The following DNAH3 variants were observed in gnomAD, a reference collection of about 807,000 sequenced individuals.
The protein encoded by DNAH3 is dynein axonemal heavy chain 3.
In DNAH3, 332 loss-of-function variants were observed where a neutral mutation model predicts 432.5. That is an observed-to-expected ratio of 0.77 (90% CI 0.70 to 0.84). The LOEUF (loss-of-function observed/expected upper bound fraction) is 0.84, where lower values mean the gene tolerates loss of function less well. Among genes scored for constraint, DNAH3 ranks in the 40% least tolerant of loss-of-function variants. DNAH3 has a pLI of 0.00. For synonymous variants in DNAH3, 1,956 were observed against 1,900.2 expected (o/e 1.03, Z -0.76); for missense variants, 4,861 against 5,114.0 (o/e 0.95, Z 1.51).
At chr16:21,151,667 T>G (rs1212445248) in intron 1 of DNAH3, among the ~76,000 whole-genome samples, 1 of 152,158 alleles carries the variant, frequency 6.6e-6, no homozygotes, top group Admixed American at 6.5e-5. Flanking sequence ...CTGGGATAGT[T>G]TGATCACCCA....
chr16:20,968,625 C>T (rs902898200), intron 52 of DNAH3, among the ~76,000 whole-genome samples: 1 of 152,026 alleles, frequency 6.6e-6, no homozygotes, highest in African/African-American at 2.4e-5. Flanking sequence ...CCTTTCTGCC[C>T]GTTTCTAATT....
At chr16:21,135,550 G>A (rs1482235955) in intron 6 of DNAH3, among the ~76,000 whole-genome samples, 8 of 152,036 alleles carry the variant, frequency 5.3e-5, no homozygotes, top group Admixed American at 5.2e-4. Context: ...AAAATTAGCT[G>A]GGAGTGGTGG....
At chr16:21,054,913 G>C in intron 27 of DNAH3, among the ~76,000 whole-genome samples, 1 of 152,052 alleles carries the variant, frequency 6.6e-6, no homozygotes, top group Non-Finnish European at 1.5e-5. Context: ...TATTGATTGT[G>C]ATGGCCTACA....
chr16:21,047,196 G>A (rs2089741054), intron 31 of DNAH3, among the ~76,000 whole-genome samples: 1 of 147,430 alleles, frequency 6.8e-6, no homozygotes, highest in South Asian at 2.3e-4. Flanking sequence ...GGCATTCTCT[G>A]TATTTCCTGA....
chr16:21,019,361 T>A (rs900253937), intron 41 of DNAH3: 1 of 454,164 alleles, frequency 2.2e-6, no homozygotes, highest in Admixed American at 3.7e-5. Context: ...GGTTTCACCA[T>A]GTTGGCCAGG....
chr16:21,106,539 T>A (rs1567801520), exon 15 of DNAH3: 4 of 1,612,274 alleles, frequency 2.5e-6, no homozygotes, highest in Non-Finnish European at 3.4e-6. Context: ...CACTTGCATC[T>A]CTAAGTTGCC....
chr16:21,092,290 A>G (rs1199170829), intron 18 of DNAH3, among the ~76,000 whole-genome samples: 1 of 152,216 alleles, frequency 6.6e-6, no homozygotes, highest in African/African-American at 2.4e-5. Flanking sequence ...AACAGAATAC[A>G]TAACCCATCC....
In DNAH3 at chr16:21,141,414, C is replaced by A. The variant is rs201805280; in HGVS notation, c.449-42G>T. On this transcript the variant is annotated intron_variant, in intron 3 of 61. Coordinates refer to ENST00000261383, the Ensembl canonical transcript of DNAH3. ...GAAAGACATCAGTGATGGGCAATGG[C>A]CTTGGGCCATTCTCCGTCCACAGGG... 31 of 1,455,824 alleles carry A rather than the reference C, an allele frequency of 2.1e-5. No homozygotes were observed. In the African/African-American group the frequency reaches 2.2e-4, roughly 10 times the overall value. The allele number at this position is 1,455,824 out of a possible 1,614,324, so 90.2% of individuals were successfully genotyped here. A position where few individuals can be genotyped will look rare whatever the true frequency, so the allele number is the denominator to read the frequency against.
At chr16:20,993,208 C>T (rs1449468261) in intron 44 of DNAH3, among the ~76,000 whole-genome samples, 1 of 152,002 alleles carries the variant, frequency 6.6e-6, no homozygotes. Flanking sequence ...TTTTTCCACC[C>T]CAAGACTCTT....
chr16:21,038,919 T>A (rs535472152), intron 33 of DNAH3, among the ~76,000 whole-genome samples: 42 of 152,220 alleles, frequency 2.8e-4, no homozygotes, highest in African/African-American at 9.4e-4. Context: ...AACAAAGACA[T>A]CCAGGCCATA....
chr16:20,945,694 G>A (rs886732466), intron 57 of DNAH3, among the ~76,000 whole-genome samples: 3 of 152,092 alleles, frequency 2.0e-5, no homozygotes, highest in Non-Finnish European at 2.9e-5. Flanking sequence ...GTTTCACTGC[G>A]TTAGCCAGGA....
chr16:21,020,385 ATATATATATATATTT>A (rs1207607020), intron 40 of DNAH3, among the ~76,000 whole-genome samples: 1 of 33,734 alleles, frequency 3.0e-5, no homozygotes, highest in Admixed American at 3.7e-4. Flanking sequence ...CTATATATAT[ATATATATATATATTT>A]TTTTTTTTTT....
intron 18 of DNAH3, among the ~76,000 whole-genome samples, chr16:21,089,314 A>G (rs1378200748): frequency 1.3e-5 from 2 of 152,212 alleles, no homozygotes; most frequent in African/African-American, 4.8e-5. Context: ...ATGGAGAGGG[A>G]TATGTCTAGC....
intron 22 of DNAH3, among the ~76,000 whole-genome samples, chr16:21,070,466 A>G (rs1255645696): frequency 1.3e-5 from 2 of 152,016 alleles, no homozygotes; most frequent in Admixed American, 1.3e-4. Context: ...TATTTTCAGT[A>G]GAGACGGAGT....
At chr16:21,080,382 T>C (rs1365220642) in intron 20 of DNAH3, among the ~76,000 whole-genome samples, 1 of 152,222 alleles carries the variant, frequency 6.6e-6, no homozygotes, top group African/African-American at 2.4e-5. Flanking sequence ...TTAGTTCCAA[T>C]AATGTATTTG....
chr16:21,093,971 TAGGAGAATATCTTCATG>T (rs2091608272), intron 18 of DNAH3, among the ~76,000 whole-genome samples: 1 of 152,038 alleles, frequency 6.6e-6, no homozygotes, highest in South Asian at 2.1e-4. Flanking sequence ...GAAGAAAATA[TAGGAGAATATCTTCATG>T]ACCAGGGTTA....
At chr16:21,076,256 G>A (rs2090971509) in intron 20 of DNAH3, among the ~76,000 whole-genome samples, 1 of 152,166 alleles carries the variant, frequency 6.6e-6, no homozygotes, top group South Asian at 2.1e-4. Context: ...TATAAGAAGA[G>A]ATTAGGACAC....
At chr16:20,989,988 G>A (rs961453036) in intron 44 of DNAH3, among the ~76,000 whole-genome samples, 1 of 152,194 alleles carries the variant, frequency 6.6e-6, no homozygotes, top group Non-Finnish European at 1.5e-5. Flanking sequence ...GCCTGCAAGC[G>A]CCGCGCGCAG....
intron 5 of DNAH3, 55 bp downstream of exon 6, chr16:21,140,481 A>C (rs2092704609): frequency 3.9e-6 from 6 of 1,539,486 alleles, no homozygotes; most frequent in Non-Finnish European, 5.3e-6. Context: ...AGAATCACTG[A>C]GATGCCGAGA....
Sources: allele counts gnomAD v4.1 joint callset (sites outside exome capture counted in the v4.1 genomes callset), GRCh38; gene constraint gnomAD v4.1.1; transcripts MANE v1.5; gene names NCBI Gene and HGNC (gene_info 2026-07-23, HGNC 2026-07-21).